PAPPA2: variants seen among roughly 807,000 people sequenced by gnomAD.
The protein encoded by PAPPA2 is pappalysin 2, also known as pappalysin-2.
Under a neutral mutation model 176.4 loss-of-function variants are expected in PAPPA2, and 86 were observed. That is an observed-to-expected ratio of 0.49 (90% CI 0.41 to 0.58). PAPPA2 has a LOEUF of 0.58. Ranked by LOEUF, PAPPA2 falls within the 20% of genes least tolerant of loss-of-function variation. The pLI is 0.00. For synonymous variants in PAPPA2, 809 were observed against 852.2 expected, an observed-to-expected ratio of 0.95 and a Z score of 0.88; for missense variants, 2,073 against 2,256.9, an observed-to-expected ratio of 0.92 and a Z score of 1.65.
At chr1:176,770,325 T>C (rs994803075) in intron 16 of PAPPA2, among the ~76,000 whole-genome samples, 1 of 152,160 alleles carries the variant, frequency 6.6e-6, no homozygotes, top group Admixed American at 6.5e-5. Flanking sequence ...TGGGGTGAGA[T>C]AATGATGTTA....
intron 3 of PAPPA2, among the ~76,000 whole-genome samples, chr1:176,659,997 A>C (rs1340509745): frequency 6.6e-6 from 1 of 152,146 alleles, no homozygotes; most frequent in Non-Finnish European, 1.5e-5. Context: ...AACAATTTTA[A>C]GGCTGTCCCC....
chr1:176,630,222 G>A (rs1229743786), intron 3 of PAPPA2, among the ~76,000 whole-genome samples: 2 of 152,174 alleles, frequency 1.3e-5, no homozygotes, highest in Admixed American at 1.3e-4. Context: ...ACATCAGATA[G>A]GAAAGTGAAG....
At chr1:176,518,635 T>C (rs1649051515) in intron 1 of PAPPA2, among the ~76,000 whole-genome samples, 1 of 152,188 alleles carries the variant, frequency 6.6e-6, no homozygotes, top group Non-Finnish European at 1.5e-5. Flanking sequence ...GTTGTTTTTG[T>C]TTTTTAAGGC....
intron 12 of PAPPA2, among the ~76,000 whole-genome samples, chr1:176,729,384 T>C (rs1662026661): frequency 6.6e-6 from 1 of 152,068 alleles, no homozygotes; most frequent in Admixed American, 6.6e-5. Context: ...TTTTTATTAC[T>C]ATAGCTTTAA....
intron 4 of PAPPA2, among the ~76,000 whole-genome samples, chr1:176,685,513 A>C (rs1011555700): frequency 3.4e-4 from 51 of 152,228 alleles, no homozygotes; most frequent in African/African-American, 1.2e-3. Flanking sequence ...GTGTGTGTGC[A>C]GATTCTAGCT....
At chr1:176,677,007 TACA>T (rs1659333925) in intron 4 of PAPPA2, among the ~76,000 whole-genome samples, 1 of 152,190 alleles carries the variant, frequency 6.6e-6, no homozygotes. Context: ...TGTACTACCC[TACA>T]ACATGATTAT....
intron 1 of PAPPA2, among the ~76,000 whole-genome samples, chr1:176,486,263 C>T (rs1400698706): frequency 6.6e-6 from 1 of 152,154 alleles, no homozygotes; most frequent in East Asian, 1.9e-4. Context: ...TTTGGAGTGG[C>T]ATATCTCGAT....
At chr1:176,746,847 G>A (rs1213424641) in intron 14 of PAPPA2, among the ~76,000 whole-genome samples, 1 of 151,998 alleles carries the variant, frequency 6.6e-6, no homozygotes, top group Admixed American at 6.6e-5. Flanking sequence ...TGGAAACTGG[G>A]GTTCTTCTCT....
At chr1:176,723,830 T>C (rs923590762) in intron 12 of PAPPA2, among the ~76,000 whole-genome samples, 22 of 152,170 alleles carry the variant, frequency 1.4e-4, no homozygotes, top group African/African-American at 5.3e-4. Context: ...TTTTTATTAT[T>C]TACATAATAA....
At chr1:176,662,971 A>G (rs543434675) in intron 3 of PAPPA2, among the ~76,000 whole-genome samples, 1 of 152,204 alleles carries the variant, frequency 6.6e-6, no homozygotes, top group Non-Finnish European at 1.5e-5. Flanking sequence ...TCAAACTATT[A>G]TATCTCTTTG....
At chr1:176,523,470 C>T in intron 1 of PAPPA2, among the ~76,000 whole-genome samples, 1 of 152,206 alleles carries the variant, frequency 6.6e-6, no homozygotes, top group East Asian at 1.9e-4. Flanking sequence ...GATTCATCAC[C>T]AGCTCAACAT....
At chr1:176,491,246 A>G (rs2102493598) in intron 1 of PAPPA2, among the ~76,000 whole-genome samples, 1 of 152,380 alleles carries the variant, frequency 6.6e-6, no homozygotes, top group South Asian at 2.1e-4. Flanking sequence ...CTGGTGAGGA[A>G]GAACATAGAG....
intron 1 of PAPPA2, among the ~76,000 whole-genome samples, chr1:176,545,602 A>T (rs1223345814): frequency 1.3e-5 from 2 of 152,068 alleles, no homozygotes; most frequent in Admixed American, 1.3e-4. Flanking sequence ...ATCTGGGAGG[A>T]TGTGTGTAGG....
At chr1:176,601,264 G>A (rs1037334032) in intron 3 of PAPPA2, among the ~76,000 whole-genome samples, 1 of 152,134 alleles carries the variant, frequency 6.6e-6, no homozygotes, top group Non-Finnish European at 1.5e-5. Context: ...CTCGAGCTTG[G>A]ACTTTACAGC....
Position 176,489,104 on chromosome 1 carries a change from C to G in PAPPA2, c.-917+25686C>G, listed in dbSNP as rs1039913749. ...TGTATGCATGTGATGTGTGCCCATA[C>G]GCAAACACGAGCTGTCACATTCATG... is the stretch of plus-strand genomic sequence containing the variant. On this transcript the variant is annotated intron_variant, in intron 1 of 22. Transcript: ENST00000367662. Among the ~76,000 whole-genome samples the G allele has an allele frequency of 2.0e-5, 3 of 152,246 alleles. 1 individual carries two copies. Among genetic ancestry groups the G allele is most frequent in the Admixed American group, 2.0e-4 (3 of 15,300 alleles).
intron 21 of PAPPA2, among the ~76,000 whole-genome samples, chr1:176,824,314 G>C (rs1666774876): frequency 6.6e-6 from 1 of 152,150 alleles, no homozygotes; most frequent in African/African-American, 2.4e-5. Context: ...CTAGTTGGCA[G>C]GGGCCATGTT....
At chr1:176,519,864 C>A (rs1572994335) in intron 1 of PAPPA2, among the ~76,000 whole-genome samples, 2 of 152,276 alleles carry the variant, frequency 1.3e-5, no homozygotes, top group Admixed American at 6.5e-5. Context: ...TAAAAAGAAA[C>A]CCTTGGCATT....
intron 7 of PAPPA2, among the ~76,000 whole-genome samples, chr1:176,696,190 G>A (rs767587841): frequency 2.0e-4 from 31 of 151,788 alleles, no homozygotes; most frequent in Non-Finnish European, 4.1e-4. Flanking sequence ...GTAGTGTTAC[G>A]TGTGCCTACT....
intron 3 of PAPPA2, among the ~76,000 whole-genome samples, chr1:176,599,959 A>G (rs1654216370): frequency 6.6e-6 from 1 of 152,142 alleles, no homozygotes; most frequent in Non-Finnish European, 1.5e-5. Flanking sequence ...TTTTGTGTGT[A>G]GGTCTTTTCT....
Sources: allele counts gnomAD v4.1 joint callset (sites outside exome capture counted in the v4.1 genomes callset), GRCh38; gene constraint gnomAD v4.1.1; transcripts MANE v1.5; gene names NCBI Gene and HGNC (gene_info 2026-07-23, HGNC 2026-07-21).